Variants in ZNF257 observed in about 807,000 individuals in gnomAD.
ZNF257 encodes the protein bone marrow zinc finger 4.
In ZNF257, 12 loss-of-function variants were observed where a neutral mutation model predicts 11.9. That is an observed-to-expected ratio of 1.01 (90% CI 0.65 to 1.63). The LOEUF (loss-of-function observed/expected upper bound fraction) is 1.63. Ranked by LOEUF, ZNF257 falls within the 40% of genes most tolerant of loss-of-function variation. ZNF257 has a pLI of 0.00. For missense variants in ZNF257, 580 were observed against 665.5 expected (o/e 0.87, Z 1.41); for synonymous variants, 183 against 222.7 (o/e 0.82, Z 1.59).
intron 1 of ZNF257, among the ~76,000 whole-genome samples, chr19:22,071,361 T>C (rs1157250348): frequency 1.3e-5 from 2 of 152,122 alleles, no homozygotes; most frequent in Non-Finnish European, 2.9e-5. Flanking sequence ...GTGGGTGTGG[T>C]GGTAGCAGGT....
intron 1 of ZNF257, among the ~76,000 whole-genome samples, chr19:22,070,519 T>C (rs960945029): frequency 5.3e-5 from 8 of 152,128 alleles, no homozygotes; most frequent in African/African-American, 1.9e-4. Context: ...GCACAATGTT[T>C]AATAAACATT....
intron 1 of ZNF257, among the ~76,000 whole-genome samples, chr19:22,054,407 C>T (rs1401468529): frequency 6.6e-6 from 1 of 152,130 alleles, no homozygotes; most frequent in Non-Finnish European, 1.5e-5. Flanking sequence ...AGCAGAGTCT[C>T]AAGTTTTACC....
chr19:22,065,387 A>G (rs149619063), intron 1 of ZNF257, among the ~76,000 whole-genome samples: 34,627 of 151,814 alleles, frequency 0.23, 4,657 homozygotes, highest in South Asian at 0.44. Context: ...TTTAGTAGAG[A>G]TGGGATTTCA....
chr19:22,088,691 A>ATTC lies in ZNF257; in HGVS notation c.941_942insTTC (p.Lys314delinsAsnSer). The ATTC allele has an allele frequency of 6.2e-7, 1 of 1,613,510 alleles. No individual in the cohort carries two copies. Among genetic ancestry groups the ATTC allele is most frequent in the Non-Finnish European group, 8.5e-7 (1 of 1,179,828 alleles). On this transcript the variant is annotated protein_altering_variant, in exon 4 of 4. Coordinates refer to ENST00000594947, the MANE Select transcript of ZNF257 (RefSeq NM_033468.4). ...CATAAGAGAATTCATACTGGAGAGA[A>ATTC]ACCCTACAAATGTGAAGAGTGTGGC...
intron 3 of ZNF257, among the ~76,000 whole-genome samples, chr19:22,077,924 G>A (rs1037263085): frequency 2.6e-5 from 4 of 151,834 alleles, no homozygotes; most frequent in Admixed American, 1.3e-4. Flanking sequence ...CAACAGATTT[G>A]GTGTTTTTTT....
chr19:22,052,537 T>A lies in ZNF257; in HGVS notation c.-96T>A. 1 of 1,461,134 alleles carries A rather than the reference T, an allele frequency of 6.8e-7. No homozygotes were observed. Among genetic ancestry groups the A allele is most frequent in the Non-Finnish European group, 9.5e-7 (1 of 1,053,790 alleles). 90.5% of individuals were successfully genotyped at this position (1,461,134 alleles called of 1,614,324 possible). ...CAGGTCTCGTCTTCCCTGGTCTGTGTCCTCTTCTCCTAGGGGCCCAGCCTC... is the reference window on the plus strand; with the variant it reads ...CAGGTCTCGTCTTCCCTGGTCTGTGACCTCTTCTCCTAGGGGCCCAGCCTC... On this transcript the variant is annotated 5_prime_UTR_variant, in exon 1 of 4. Coordinates refer to ENST00000594947, the MANE Select transcript of ZNF257 (RefSeq NM_033468.4).
At chr19:22,058,185 C>G (rs1213971544) in intron 1 of ZNF257, among the ~76,000 whole-genome samples, 3 of 152,118 alleles carry the variant, frequency 2.0e-5, no homozygotes, top group Non-Finnish European at 4.4e-5. Context: ...TTTCCATGAA[C>G]TGTTCCTGGA....
intron 3 of ZNF257, among the ~76,000 whole-genome samples, chr19:22,085,243 C>G (rs1196699502): frequency 6.7e-6 from 1 of 150,160 alleles, no homozygotes; most frequent in Non-Finnish European, 1.5e-5. Context: ...GTAGAGACCA[C>G]CACACCTGGC....
intron 3 of ZNF257, among the ~76,000 whole-genome samples, chr19:22,079,245 T>C (rs2022305112): frequency 6.6e-6 from 1 of 152,200 alleles, no homozygotes; most frequent in Non-Finnish European, 1.5e-5. Context: ...GTGTCTTTGT[T>C]TCAGTACCAC....
rs772455395 is a variant in ZNF257, at chr19:22,088,961, A to G, written c.1211A>G (p.Glu404Gly). The change falls in exon 4 of 4, where the codon GAA (glutamate) becomes GGA (glycine). Residue 404 changes from glutamate to glycine, a missense_variant. Physicochemically the swap from Glu to Gly is moderately conservative, Grantham distance 98. Transcript: ENST00000594947. ...AGAGAGAAGGCCTACAAATGTGATG[A>G]ATATTGCAAAGCTTTTAACTGGTCC... ...HTREKAYKCD[E>G]YCKAFNWSSA... 9.3e-6 allele frequency: 15 copies of G among 1,612,402 alleles called. No homozygotes were observed. Among genetic ancestry groups the G allele is most frequent in the Non-Finnish European group, 1.3e-5 (15 of 1,179,444 alleles).
rs777536311 is a variant in ZNF257, at chr19:22,072,876, C to T, written c.71C>T (p.Ala24Val). ...GAGGAGTGGCATTGCCTGGACACTG[C>T]ACAGCAGAATTTATATAGGGATGTG... is the stretch of plus-strand genomic sequence containing the variant. ...SLEEWHCLDTAQQNLYRDVML... is the reference protein window; with the variant it reads ...SLEEWHCLDTVQQNLYRDVML... Residue 24 changes from alanine to valine, a missense_variant, in exon 2 of 4, where the codon GCA becomes GTA. Transcript: ENST00000594947. The T allele has an allele frequency of 6.2e-7, 1 of 1,613,318 alleles. No individual in the cohort carries two copies. The highest frequency in any genetic ancestry group is 1.1e-5 in the South Asian group (1 of 91,010).
At chr19:22,071,801 A>G (rs1209264105) in intron 1 of ZNF257, among the ~76,000 whole-genome samples, 1 of 152,148 alleles carries the variant, frequency 6.6e-6, no homozygotes, top group Non-Finnish European at 1.5e-5. Flanking sequence ...CTATTGGAAG[A>G]AGAAAGGGGT....
rs541474960 is a variant in ZNF257 at position 22,088,405 on chromosome 19, C to T, written c.655C>T (p.His219Tyr). The change falls in exon 4 of 4, where the codon CAT (histidine) becomes TAT (tyrosine). Residue 219 changes from histidine (H) to tyrosine (Y), a missense_variant. His to Tyr is a moderately conservative substitution (Grantham distance 83, BLOSUM62 2). Transcript: ENST00000594947. Reference sequence around the variant, plus strand: ...TAACCAGTCCTCAGCTCTTACTCGACATAAGATGACTCATACTGGAGAGAA... The same window carrying T: ...TAACCAGTCCTCAGCTCTTACTCGATATAAGATGACTCATACTGGAGAGAA... ...AFNQSSALTRHKMTHTGEKPY... is the reference protein window; with the variant it reads ...AFNQSSALTRYKMTHTGEKPY... 7 of 1,613,092 alleles carry T rather than the reference C, an allele frequency of 4.3e-6. No homozygotes were observed. Among genetic ancestry groups the T allele is most frequent in the Non-Finnish European group, 5.9e-6 (7 of 1,179,722 alleles).
rs199970838 is a variant in ZNF257, at chr19:22,072,404, C to CTT, written c.4-402_4-401dup. Among the ~76,000 whole-genome samples the CTT allele has an allele frequency of 3.7e-3, 561 of 152,168 alleles. 2 individuals are homozygous for CTT. The highest frequency in any genetic ancestry group is 0.013 in the African/African-American group (528 of 41,512). On this transcript the variant is annotated intron_variant, in intron 1 of 3. Transcript: ENST00000594947. ...AGCAATACTAGGAAAAACACAGGCT[C>CTT]TTTTACTTAGTGGATGTTTGACAAA...
At position 22,090,452 on chromosome 19, in the gene ZNF257, TA is replaced by T. The variant is rs2022601820; in HGVS notation, c.*1011del. 6.6e-6 allele frequency: 1 copy of T among 152,140 alleles called. No homozygotes were observed. Among genetic ancestry groups the T allele is most frequent in the Non-Finnish European group, 1.5e-5 (1 of 68,002 alleles). The allele number at this position is 152,140 out of a possible 1,614,324, so 9.4% of individuals were successfully genotyped here. A position where few individuals can be genotyped will look rare whatever the true frequency, so the allele number is the denominator to read the frequency against. On this transcript the variant is annotated 3_prime_UTR_variant, in exon 4 of 4. Transcript: ENST00000594947. ...AAACATTTTTTCCATAACTATAGCT[TA>T]GAAAATGCCAGAGAGCTCATACTAA...
At chr19:22,069,490 C>G (rs1372577093) in intron 1 of ZNF257, among the ~76,000 whole-genome samples, 2 of 151,990 alleles carry the variant, frequency 1.3e-5, no homozygotes, top group African/African-American at 2.4e-5. Flanking sequence ...TGGTGGGCGC[C>G]TGTAATCCCA....
chr19:22,064,778 A>T (rs2145693037), intron 1 of ZNF257, among the ~76,000 whole-genome samples: 1 of 152,306 alleles, frequency 6.6e-6, no homozygotes, highest in South Asian at 2.1e-4. Flanking sequence ...ATTTTCAGCC[A>T]GGCATGGTGG....
At chr19:22,073,427 A>G in intron 2 of ZNF257, 42 bp from the exon 3 acceptor site, 1 of 1,571,812 alleles carries the variant, frequency 6.4e-7, no homozygotes, top group Non-Finnish European at 8.6e-7. Flanking sequence ...TGGTAATTGG[A>G]GAATATGAGC....
At chr19:22,052,818 G>C (rs423926) in intron 1 of ZNF257, among the ~76,000 whole-genome samples, 183 bp downstream of exon 1, 80,486 of 151,814 alleles carry the variant, frequency 0.53, 21,745 homozygotes, top group Admixed American at 0.59. Context: ...TGACAGCCGG[G>C]ACCCCGGGCG....
Sources: gnomAD v4.1 joint callset for allele counts (sites outside exome capture counted in the v4.1 genomes callset) on GRCh38, gnomAD v4.1.1 for gene constraint, MANE v1.5 for transcripts, NCBI Gene and HGNC (gene_info 2026-07-23, HGNC 2026-07-21) for gene names.